The following AP2B1 variants were observed in gnomAD, a reference collection of about 807,000 sequenced individuals.
AP2B1 encodes the protein AP-2 complex subunit beta.
Under a neutral mutation model 102.0 loss-of-function variants are expected in AP2B1, and 23 were observed. The observed-to-expected ratio is 0.23, with a 90% CI of 0.16 to 0.32. The LOEUF (loss-of-function observed/expected upper bound fraction) is 0.32. AP2B1 is among the 10% of genes least tolerant of loss of function. The pLI is 1.00. For missense variants in AP2B1, 541 were observed against 1,157.4 expected (o/e 0.47, Z 7.73); for synonymous variants, 381 against 421.2 (o/e 0.90, Z 1.17).
intron 17 of AP2B1, among the ~76,000 whole-genome samples, chr17:35,677,496 A>T (rs879846263): frequency 5.9e-5 from 9 of 152,162 alleles, no homozygotes; most frequent in Admixed American, 3.3e-4. Flanking sequence ...ATTAAGAGTC[A>T]ATGTAAAAAC....
intron 14 of AP2B1, among the ~76,000 whole-genome samples, chr17:35,658,080 T>G (rs897987422): frequency 6.6e-6 from 1 of 152,182 alleles, no homozygotes; most frequent in Non-Finnish European, 1.5e-5. Flanking sequence ...ATGTTTAGTA[T>G]CTTTTCCAGA....
chr17:35,588,750 G>T (rs529415488), intron 1 of AP2B1: 5 of 152,222 alleles, frequency 3.3e-5, no homozygotes, highest in Non-Finnish European at 7.3e-5. Flanking sequence ...ACTGTTTGCA[G>T]TATCTTAGCC....
At position 35,695,151 on chromosome 17, in the gene AP2B1, G is replaced by A. The variant is rs1017699528; in HGVS notation, c.2454+12327G>A. Among the ~76,000 whole-genome samples, 17 of 152,208 alleles carry A rather than the reference G, an allele frequency of 1.1e-4. 1 individual carries two copies. The South Asian group carries it at 2.3e-3, about 20-fold the overall frequency. On this transcript the variant is annotated intron_variant, in intron 18 of 21. Transcript: ENST00000610402. ...TTATTGCTGACTGTTTCTGGCAACT[G>A]GAACTATATAGAGTAATTCTATTGT...
chr17:35,693,747 A>G (rs1468857365), intron 18 of AP2B1, among the ~76,000 whole-genome samples: 3 of 116,182 alleles, frequency 2.6e-5, no homozygotes, highest in Non-Finnish European at 5.7e-5. Flanking sequence ...TACTCAGAAC[A>G]GGAAAGCACA....
rs780964830 is a variant in AP2B1, at chr17:35,636,387, C to T, written c.1202C>T (p.Thr401Ile). 1 of 1,613,990 alleles carries T rather than the reference C, an allele frequency of 6.2e-7. No homozygotes were observed. Among genetic ancestry groups the T allele is most frequent in the Non-Finnish European group, 8.5e-7 (1 of 1,179,932 alleles). Residue 401 changes from threonine (T) to isoleucine (I), a missense_variant, in exon 10 of 22, where the codon ACC (threonine) becomes ATC (isoleucine). Physicochemically the swap from Thr to Ile is moderately conservative, Grantham distance 89. Transcript: ENST00000610402. ...AGCACATTGCTTGATCTAATCCAGACCAAAGTGAATTATGTGGTCCAAGAA... is the reference window on the plus strand; with the variant it reads ...AGCACATTGCTTGATCTAATCCAGATCAAAGTGAATTATGTGGTCCAAGAA... Reference protein sequence around the residue: ...CVSTLLDLIQTKVNYVVQEAI... With the variant: ...CVSTLLDLIQIKVNYVVQEAI...
At chr17:35,700,931 A>G (rs1034459119) in intron 18 of AP2B1, among the ~76,000 whole-genome samples, 1 of 152,210 alleles carries the variant, frequency 6.6e-6, no homozygotes. Context: ...CTAAAAAGCA[A>G]GTTAATATTG....
At chr17:35,639,562 C>T in intron 10 of AP2B1, 33 bp from the exon 11 acceptor site, 3 of 1,573,222 alleles carry the variant, frequency 1.9e-6, no homozygotes, top group Non-Finnish European at 2.6e-6. Flanking sequence ...TTAGTTTTGC[C>T]CTCAATAACC....
chr17:35,631,736 A>C (rs371090359), intron 9 of AP2B1, among the ~76,000 whole-genome samples: 1 of 152,150 alleles, frequency 6.6e-6, no homozygotes, highest in Admixed American at 6.5e-5. Flanking sequence ...CTTTTTCCAA[A>C]TGGTGGTATA....
intron 18 of AP2B1, among the ~76,000 whole-genome samples, chr17:35,686,275 T>G (rs2075929158): frequency 6.6e-6 from 1 of 152,246 alleles, no homozygotes; most frequent in African/African-American, 2.4e-5. Flanking sequence ...TTATATTCCT[T>G]AAAAAGAGAA....
chr17:35,587,883 G>T (rs1344050340), intron 1 of AP2B1: 1 of 152,146 alleles, frequency 6.6e-6, no homozygotes, highest in Non-Finnish European at 1.5e-5. Context: ...CGTCTCTCGG[G>T]TAACTTGAGG....
At chr17:35,629,608 A>G (rs1470959129) in intron 9 of AP2B1, among the ~76,000 whole-genome samples, 2 of 152,152 alleles carry the variant, frequency 1.3e-5, no homozygotes, top group African/African-American at 4.8e-5. Flanking sequence ...ATATCTATGC[A>G]TATAATTTTT....
chr17:35,623,481 T>G (rs558511140), intron 5 of AP2B1, among the ~76,000 whole-genome samples: 10 of 152,302 alleles, frequency 6.6e-5, no homozygotes, highest in African/African-American at 2.2e-4. Flanking sequence ...GGAAAATCCC[T>G]TGAACCCAGT....
At chr17:35,642,453 T>C (rs1011181996) in intron 12 of AP2B1, among the ~76,000 whole-genome samples, 4 of 152,166 alleles carry the variant, frequency 2.6e-5, no homozygotes, top group African/African-American at 9.7e-5. Flanking sequence ...GAATTATTTG[T>C]TTTTTTAGGT....
chr17:35,632,403 A>G (rs987829993), intron 9 of AP2B1, among the ~76,000 whole-genome samples: 6 of 152,158 alleles, frequency 3.9e-5, no homozygotes, highest in East Asian at 1.9e-4. Context: ...CCAAAATGCT[A>G]GGATTACAGG....
chr17:35,633,233 A>T (rs187726275), intron 9 of AP2B1, among the ~76,000 whole-genome samples: 5 of 152,014 alleles, frequency 3.3e-5, no homozygotes, highest in Non-Finnish European at 5.9e-5. Context: ...GGTGGCCCAT[A>T]CTTGTAATCC....
intron 3 of AP2B1, chr17:35,601,096 A>AAGT (rs1388791904): frequency 1.6e-4 from 121 of 738,556 alleles, no homozygotes; most frequent in Non-Finnish European, 1.9e-4. Context: ...CTGGCATAGT[A>AAGT]AGTACTCTTT....
intron 11 of AP2B1, 138 bp downstream of exon 11, chr17:35,639,898 C>G (rs1291551151): frequency 4.0e-6 from 3 of 745,326 alleles, no homozygotes; most frequent in Non-Finnish European, 6.3e-6. Context: ...ACAGGGATGT[C>G]TCTTCTCAGT....
At chr17:35,602,409 G>A (rs1452903916) in intron 3 of AP2B1, among the ~76,000 whole-genome samples, 1 of 152,162 alleles carries the variant, frequency 6.6e-6, no homozygotes, top group Non-Finnish European at 1.5e-5. Context: ...ATGGAGATTA[G>A]CTATTTGTAG....
rs587702884 is a variant in AP2B1, at chr17:35,717,585, C to A, written c.2781+236C>A. 2.6e-5 allele frequency among the ~76,000 whole-genome samples: 4 copies of A among 152,206 alleles called. No homozygotes were observed. The East Asian group carries it at 5.8e-4, about 22-fold the overall frequency. On this transcript the variant is annotated intron_variant, in intron 21 of 21. Coordinates refer to ENST00000610402, the MANE Select transcript of AP2B1 (RefSeq NM_001030006.2). ...AAGTGCCTCAAATCCATCCCTCCCC[C>A]CTGGTGTATACAGAGTTGCTCACAA...
Sources: allele counts gnomAD v4.1 joint callset (sites outside exome capture counted in the v4.1 genomes callset), GRCh38; gene constraint gnomAD v4.1.1; transcripts MANE v1.5; gene names NCBI Gene and HGNC (gene_info 2026-07-23, HGNC 2026-07-21).